Variants in PARP2 observed in about 807,000 individuals in gnomAD.
The protein encoded by PARP2 is poly(ADP-ribose) polymerase 2.
In PARP2, 57 loss-of-function variants were observed where a neutral mutation model predicts 77.8. That is an observed-to-expected ratio of 0.73 (90% confidence interval 0.59 to 0.91). The LOEUF (loss-of-function observed/expected upper bound fraction) is 0.91. Ranked by LOEUF, PARP2 falls within the 40% of genes least tolerant of loss-of-function variation. The pLI is 0.00. For synonymous variants in PARP2, 226 were observed against 242.6 expected (o/e 0.93, Z 0.64); for missense variants, 651 against 689.0 (o/e 0.94, Z 0.62).
chr14:20,348,016 G>C (rs748429307), intron 4 of PARP2, among the ~76,000 whole-genome samples: 1 of 152,012 alleles, frequency 6.6e-6, no homozygotes, highest in Non-Finnish European at 1.5e-5. Flanking sequence ...TCGGACTTCA[G>C]GCGCATGCCA....
chr14:20,346,726 C>T, intron 3 of PARP2, 137 bp from the exon 4 acceptor site: 1 of 641,732 alleles, frequency 1.6e-6, no homozygotes, highest in South Asian at 1.9e-5. Context: ...CATAGGTTTG[C>T]AATTCTTTCC....
At chr14:20,354,421 G>T (rs1392213394) in intron 8 of PARP2, among the ~76,000 whole-genome samples, 174 bp downstream of exon 8, 1 of 152,218 alleles carries the variant, frequency 6.6e-6, no homozygotes, top group Non-Finnish European at 1.5e-5. Flanking sequence ...TTGAGGCTGG[G>T]TGTGATGGGT....
At chr14:20,348,748 A>G (rs908474949) in intron 4 of PARP2, among the ~76,000 whole-genome samples, 1 of 152,134 alleles carries the variant, frequency 6.6e-6, no homozygotes, top group Non-Finnish European at 1.5e-5. Flanking sequence ...AGCCAGGTGC[A>G]GTGGCTCACG....
At chr14:20,355,852 TA>T in intron 10 of PARP2, 37 bp downstream of exon 10, 1 of 1,613,356 alleles carries the variant, frequency 6.2e-7, no homozygotes. Flanking sequence ...TTATATCCCT[TA>T]TACCAGTGTC....
Position 20,343,650 on chromosome 14 carries a change from G to GCGGCGGCGACGGAGCAC in PARP2, c.18_34dup (p.Gly12AspfsTer12). The GCGGCGGCGACGGAGCAC allele has an allele frequency of 4.3e-6, 7 of 1,610,228 alleles. No homozygotes were observed. In the Middle Eastern group the frequency reaches 5.0e-4, roughly 115 times the overall value. ...GTCAGCGTTCGAATTCCATGGCGGC[G>GCGGCGGCGACGGAGCAC]CGGCGGCGACGGAGCACCGGCGGCG... is the stretch of plus-strand genomic sequence containing the variant. On this transcript the variant is annotated frameshift_variant, in exon 1 of 16. Coordinates refer to ENST00000429687, the MANE Select transcript of PARP2 (RefSeq NM_001042618.2). LOFTEE classifies it high-confidence loss of function.
At chr14:20,356,868 C>T (rs145952980) in intron 13 of PARP2, 179 bp downstream of exon 13, 89 of 676,452 alleles carry the variant, frequency 1.3e-4, no homozygotes, top group East Asian at 1.3e-3. Context: ...AGATACCTCA[C>T]CTTTCCCTCA....
chr14:20,352,259 C>T lies in PARP2; in HGVS notation c.512C>T (p.Thr171Met), dbSNP rs778767947. 40 of 1,610,470 alleles carry T rather than the reference C, an allele frequency of 2.5e-5. No individual in the cohort carries two copies. The highest frequency in any genetic ancestry group is 1.1e-4 in the African/African-American group (8 of 74,848). ...EIFQKKFLDK[T>M]KNNWEDREKF... ...GGACTCTACAGATTCCTTGACAAAA[C>T]GAAAAACAATTGGGAAGATCGAGAA... is the stretch of plus-strand genomic sequence containing the variant. Residue 171 changes from threonine (T) to methionine (M), a missense_variant, in exon 7 of 16, where the codon ACG becomes ATG. By Grantham distance (81) the Thr-to-Met change is moderately conservative (BLOSUM62 -1). Coordinates refer to ENST00000429687, the MANE Select transcript of PARP2 (RefSeq NM_001042618.2).
At chr14:20,347,520 A>G (rs1252796328) in intron 4 of PARP2, among the ~76,000 whole-genome samples, 1 of 139,316 alleles carries the variant, frequency 7.2e-6, no homozygotes, top group African/African-American at 2.7e-5. Context: ...GGTTCAAGCA[A>G]TTCTCCAGCC....
intron 4 of PARP2, among the ~76,000 whole-genome samples, chr14:20,348,019 G>A (rs7160447): frequency 0.057 from 8,729 of 151,950 alleles, 763 homozygotes; most frequent in African/African-American, 0.19. Flanking sequence ...GACTTCAGGC[G>A]CATGCCACAA....
intron 3 of PARP2, 76 bp from the exon 4 acceptor site, chr14:20,346,787 A>G (rs1314535417): frequency 4.2e-6 from 4 of 949,980 alleles, no homozygotes; most frequent in Middle Eastern, 4.2e-4. Flanking sequence ...GAGCCATAAG[A>G]AAATTTAGAG....
In PARP2 at chr14:20,345,443, G is replaced by A; in HGVS notation, c.252G>A (p.Glu84=). ...LLKGKAPVDP[E]CTAKVGKAHV... ...AGGGCAAAGCTCCTGTGGACCCAGA[G>A]TGTACAGCCAAGGTGGGGAAGGTAA... The change falls in exon 3 of 16, where the codon GAG becomes GAA. Residue 84 remains glutamate (E), a synonymous_variant. Coordinates refer to ENST00000429687, the MANE Select transcript of PARP2 (RefSeq NM_001042618.2). The A allele has an allele frequency of 6.2e-7, 1 of 1,613,880 alleles. No individual in the cohort carries two copies. The highest frequency in any genetic ancestry group is 1.7e-4 in the Middle Eastern group (1 of 6,060).
At chr14:20,356,932 G>C (rs1392230695) in intron 13 of PARP2, 119 bp from the exon 14 acceptor site, 1 of 751,400 alleles carries the variant, frequency 1.3e-6, no homozygotes, top group Admixed American at 2.0e-5. Flanking sequence ...ATTGTGAGGG[G>C]AAATGGAGAA....
chr14:20,346,839 T>G (rs1161559710), intron 3 of PARP2, 24 bp from the exon 4 acceptor site: 1 of 1,555,258 alleles, frequency 6.4e-7, no homozygotes, highest in East Asian at 2.2e-5. Context: ...CTAATGTTGA[T>G]TTTTTCTCTC....
chr14:20,352,245 A>AT lies in PARP2; in HGVS notation c.500dup (p.Leu168ProfsTer2). 6.3e-7 allele frequency: 1 copy of AT among 1,592,016 alleles called. No homozygotes were observed. The highest frequency in any genetic ancestry group is 1.1e-5 in the South Asian group (1 of 90,646). On this transcript the variant is annotated frameshift_variant and splice_region_variant, in exon 7 of 16. Transcript: ENST00000429687. LOFTEE classifies it high-confidence loss of function. ...TTTTCTTACACCTTGGACTCTACAG[A>AT]TTCCTTGACAAAACGAAAAACAATT...
chr14:20,351,014 G>C, intron 5 of PARP2, 33 bp from the exon 6 acceptor site: 1 of 1,561,722 alleles, frequency 6.4e-7, no homozygotes. Flanking sequence ...TTACTCTTAG[G>C]GAACTATCTT....
chr14:20,353,172 G>A (rs965901606), intron 7 of PARP2, among the ~76,000 whole-genome samples: 1 of 152,034 alleles, frequency 6.6e-6, no homozygotes, highest in African/African-American at 2.4e-5. Context: ...GAGCCATCAC[G>A]CCCGGCCTAC....
At chr14:20,351,864 G>A (rs999892416) in intron 6 of PARP2, among the ~76,000 whole-genome samples, 1 of 140,364 alleles carries the variant, frequency 7.1e-6, no homozygotes, top group Non-Finnish European at 1.6e-5. Context: ...CAAAAAAAAG[G>A]AAAGAAAAAA....
intron 4 of PARP2, among the ~76,000 whole-genome samples, chr14:20,347,581 T>A (rs1252598948): frequency 1.3e-5 from 2 of 149,370 alleles, no homozygotes; most frequent in Non-Finnish European, 3.0e-5. Flanking sequence ...GCTAATTTTT[T>A]GGTATTTTTA....
Sources: gnomAD v4.1 joint callset for allele counts (sites outside exome capture counted in the v4.1 genomes callset) on GRCh38, gnomAD v4.1.1 for gene constraint, MANE v1.5 for transcripts, NCBI Gene and HGNC (gene_info 2026-07-23, HGNC 2026-07-21) for gene names.